VAMP1: variants seen among roughly 807,000 people sequenced by gnomAD.
VAMP1 encodes vesicle-associated membrane protein 1.
VAMP1 carries 16 observed loss-of-function variants against 19.1 expected under a neutral mutation model. That is an observed-to-expected ratio of 0.84 (90% CI 0.57 to 1.27). The LOEUF is 1.27. Among genes scored for constraint, VAMP1 ranks in the 50% most tolerant of loss-of-function variants. The pLI, the probability that VAMP1 is intolerant of heterozygous loss-of-function variation, is 0.00. For missense variants in VAMP1, 109 were observed against 145.4 expected (o/e 0.75, Z 1.29); for synonymous variants, 37 against 50.2 (o/e 0.74, Z 1.11).
At chr12:6,470,263 A>C (rs889267034) in intron 1 of VAMP1, among the ~76,000 whole-genome samples, 2 of 151,656 alleles carry the variant, frequency 1.3e-5, no homozygotes, top group African/African-American at 4.8e-5. Context: ...AACCAGAATG[A>C]GGCGCCACTC....
intron 1 of VAMP1, among the ~76,000 whole-genome samples, chr12:6,469,559 T>C (rs990093970): frequency 5.9e-5 from 9 of 152,144 alleles, no homozygotes; most frequent in African/African-American, 2.2e-4. Context: ...TTGTTGGGAG[T>C]TGGAAACACT....
intron 2 of VAMP1, 85 bp from the exon 3 acceptor site, chr12:6,466,085 C>A: frequency 6.2e-7 from 1 of 1,611,656 alleles, no homozygotes; most frequent in Non-Finnish European, 8.5e-7. Context: ...CAAGTCTGGC[C>A]CTGTGCAACT....
chr12:6,470,171 G>T (rs958751623), intron 1 of VAMP1, among the ~76,000 whole-genome samples: 16 of 152,172 alleles, frequency 1.1e-4, no homozygotes, highest in African/African-American at 3.9e-4. Flanking sequence ...CCAGATGACA[G>T]AAATACCTTT....
chr12:6,462,740 AC>A lies in VAMP1; in HGVS notation c.*1729del. On this transcript the variant is annotated 3_prime_UTR_variant, in exon 5 of 5. Transcript: ENST00000396308. ...CAGTGGTGGTTCTTCTCCAGCGGTG[AC>A]CCCCTGCATTAGGCAAGGAGGAGCC... is the stretch of plus-strand genomic sequence containing the variant. The A allele has an allele frequency of 7.5e-7, 1 of 1,335,422 alleles. No homozygotes were observed. The highest frequency in any genetic ancestry group is 1.0e-6 in the Non-Finnish European group (1 of 976,254). 82.7% of individuals were successfully genotyped at this position (1,335,422 alleles called of 1,614,324 possible).
rs995647366 is a variant in VAMP1, at chr12:6,462,725, T to G, written c.*1745A>C. 30 of 1,214,952 alleles carry G rather than the reference T, an allele frequency of 2.5e-5. No homozygotes were observed. Among genetic ancestry groups the G allele is most frequent in the Non-Finnish European group, 3.4e-5 (30 of 873,702 alleles). The allele number at this position is 1,214,952 out of a possible 1,614,324, so 75.3% of individuals were successfully genotyped here. ...GGGACACATCGAGGACAGTGGTGGTTCTTCTCCAGCGGTGACCCCCTGCAT... is the reference window on the plus strand; with the variant it reads ...GGGACACATCGAGGACAGTGGTGGTGCTTCTCCAGCGGTGACCCCCTGCAT... On this transcript the variant is annotated 3_prime_UTR_variant, in exon 5 of 5. Coordinates refer to ENST00000396308, the MANE Select transcript of VAMP1 (RefSeq NM_014231.5).
rs1949942354 is a variant in VAMP1, at chr12:6,464,011, T to G, written c.*459A>C. 3.9e-6 allele frequency: 5 copies of G among 1,292,726 alleles called. No homozygotes were observed. Among genetic ancestry groups the G allele is most frequent in the Middle Eastern group, 2.1e-4 (1 of 4,710 alleles). The allele number at this position is 1,292,726 out of a possible 1,614,324, so 80.1% of individuals were successfully genotyped here. On this transcript the variant is annotated 3_prime_UTR_variant, in exon 5 of 5. Coordinates refer to ENST00000396308, the MANE Select transcript of VAMP1 (RefSeq NM_014231.5). ...CTGGTCCAGGAAGGAAAGCTCCACA[T>G]GACCAGGCAGTACTGAGTGAGCTGC...
intron 1 of VAMP1, among the ~76,000 whole-genome samples, chr12:6,469,920 G>A (rs2137015853): frequency 6.6e-6 from 1 of 152,256 alleles, no homozygotes; most frequent in South Asian, 2.1e-4. Flanking sequence ...GCCTTGGTAT[G>A]AACAGCCGCT....
intron 4 of VAMP1, 148 bp downstream of exon 4, chr12:6,464,742 C>T (rs928201341): frequency 2.0e-6 from 3 of 1,520,304 alleles, no homozygotes; most frequent in Non-Finnish European, 2.6e-6. Flanking sequence ...CTGCCCTTCC[C>T]CCGTCCCGAA....
intron 1 of VAMP1, chr12:6,467,269 T>A (rs537735116): frequency 2.9e-4 from 45 of 155,954 alleles, no homozygotes; most frequent in Non-Finnish European, 4.9e-4. Context: ...AGGGAGAGGA[T>A]GGAACAGTTT....
chr12:6,467,924 G>A (rs954694929), intron 1 of VAMP1, among the ~76,000 whole-genome samples: 2 of 152,152 alleles, frequency 1.3e-5, no homozygotes, highest in Non-Finnish European at 2.9e-5. Context: ...TGCACAGAAG[G>A]CAAGAACTGA....
intron 3 of VAMP1, among the ~76,000 whole-genome samples, 164 bp downstream of exon 3, chr12:6,465,678 G>C (rs1179163160): frequency 2.0e-5 from 3 of 151,940 alleles, no homozygotes; most frequent in African/African-American, 7.3e-5. Context: ...CCAATTCTGG[G>C]TAATGCAATC....
intron 1 of VAMP1, 67 bp downstream of exon 1, chr12:6,470,463 C>T: frequency 6.2e-7 from 1 of 1,610,086 alleles, no homozygotes; most frequent in Non-Finnish European, 8.5e-7. Context: ...TTCCGTCCCG[C>T]AGAATCGGGA....
chr12:6,465,399 TA>T (rs1264018739), intron 3 of VAMP1: 2 of 84,524 alleles, frequency 2.4e-5, no homozygotes, highest in Non-Finnish European at 5.3e-5. Context: ...TATATATATA[TA>T]AATGTATATA....
chr12:6,466,349 G>C lies in VAMP1; in HGVS notation c.5C>G (p.Ser2Cys). 1 of 1,612,888 alleles carries C rather than the reference G, an allele frequency of 6.2e-7. No homozygotes were observed. Among genetic ancestry groups the C allele is most frequent in the Non-Finnish European group, 8.5e-7 (1 of 1,179,534 alleles). Residue 2 changes from serine to cysteine, a missense_variant and splice_region_variant, in exon 2 of 5, where the codon TCT (serine) becomes TGT (cysteine). Ser to Cys is a moderately radical substitution (Grantham distance 112). Coordinates refer to ENST00000396308, the MANE Select transcript of VAMP1 (RefSeq NM_014231.5). ...TTCAGCAGGTGGCTGAGCTGGAGCA[G>C]ACCTGTGGAAAGACATGTGCAGAGT... Reference protein sequence around the residue: MSAPAQPPAEGT... With the variant: MCAPAQPPAEGT...
chr12:6,467,202 G>T, intron 1 of VAMP1: 1 of 162,966 alleles, frequency 6.1e-6, no homozygotes, highest in Non-Finnish European at 1.3e-5. Context: ...CCAGTAGAGT[G>T]GGGTGTTGCT....
chr12:6,464,806 C>CT, intron 4 of VAMP1, 84 bp downstream of exon 4: 1 of 1,603,186 alleles, frequency 6.2e-7, no homozygotes, highest in Non-Finnish European at 8.5e-7. Context: ...AGCAGCCCCA[C>CT]TCCCCAGGCA....
intron 3 of VAMP1, 143 bp from the exon 4 acceptor site, chr12:6,465,084 AG>A: frequency 1.7e-6 from 2 of 1,198,110 alleles, no homozygotes; most frequent in Non-Finnish European, 2.3e-6. Flanking sequence ...CAGGCCTCTT[AG>A]AGAGGCCCTA....
intron 3 of VAMP1, chr12:6,465,412 A>G (rs1481373987): frequency 1.3e-5 from 1 of 78,294 alleles, no homozygotes. Flanking sequence ...ATGTATATAT[A>G]TGTATATATA....
At position 6,464,957 on chromosome 12, in the gene VAMP1, C is replaced by T. The variant is rs754338974; in HGVS notation, c.289-16G>A. 1.2e-6 allele frequency: 2 copies of T among 1,611,640 alleles called. No individual in the cohort carries two copies. The highest frequency in any genetic ancestry group is 1.7e-6 in the Non-Finnish European group (2 of 1,179,188). ...TGATCATCATCTGAGGAAACATGGA[C>T]AAAAAATGAGCCCTTGGATTTCAGG... On this transcript the variant is annotated splice_polypyrimidine_tract_variant and intron_variant, in intron 3 of 4. Coordinates refer to ENST00000396308, the MANE Select transcript of VAMP1 (RefSeq NM_014231.5).
Sources: allele counts gnomAD v4.1 joint callset (sites outside exome capture counted in the v4.1 genomes callset), GRCh38; gene constraint gnomAD v4.1.1; transcripts MANE v1.5; gene names NCBI Gene and HGNC (gene_info 2026-07-23, HGNC 2026-07-21).